Variants in LSAMP observed in about 807,000 individuals in gnomAD.
LSAMP encodes limbic system-associated membrane protein.
In LSAMP, 7 loss-of-function variants were observed where a neutral mutation model predicts 38.6. The ratio of observed to expected loss-of-function variants is 0.18; its 90% CI spans 0.10 to 0.34. The LOEUF (loss-of-function observed/expected upper bound fraction) is 0.34, where lower values mean the gene tolerates loss of function less well. LSAMP is among the 10% of genes least tolerant of loss of function. LSAMP has a pLI of 1.00. For synonymous variants in LSAMP, 154 were observed against 166.8 expected (o/e 0.92, Z 0.59); for missense variants, 313 against 420.0 (o/e 0.75, Z 2.23).
chr3:116,314,689 G>A (rs533578516), intron 1 of LSAMP, among the ~76,000 whole-genome samples: 115 of 152,272 alleles, frequency 7.6e-4, no homozygotes, highest in African/African-American at 2.5e-3. Flanking sequence ...CCCTGCCTGC[G>A]TCTGGAAGCC....
intron 1 of LSAMP, among the ~76,000 whole-genome samples, chr3:116,344,565 C>A (rs1163738268): frequency 2.0e-5 from 3 of 152,114 alleles, no homozygotes; most frequent in Non-Finnish European, 4.4e-5. Flanking sequence ...CTCTTCCACT[C>A]TACCTCCTTT....
At chr3:115,918,233 A>G (rs1559880509) in intron 3 of LSAMP, among the ~76,000 whole-genome samples, 1 of 152,230 alleles carries the variant, frequency 6.6e-6, no homozygotes, top group Non-Finnish European at 1.5e-5. Context: ...CATATCTAGG[A>G]TAAGACCACA....
intron 3 of LSAMP, among the ~76,000 whole-genome samples, chr3:115,872,367 TGC>T (rs1424319781): frequency 1.1e-4 from 16 of 152,280 alleles, no homozygotes; most frequent in South Asian, 2.1e-4. Context: ...CAGGTTTGGC[TGC>T]CCCATGTGCC....
chr3:116,371,136 C>T (rs1360157427), intron 1 of LSAMP, among the ~76,000 whole-genome samples: 3 of 152,110 alleles, frequency 2.0e-5, no homozygotes, highest in African/African-American at 4.8e-5. Context: ...ATTTAAAGAA[C>T]ACTAATCCTT....
At chr3:116,420,630 G>A (rs536472802) in intron 1 of LSAMP, among the ~76,000 whole-genome samples, 111 of 152,042 alleles carry the variant, frequency 7.3e-4, no homozygotes, top group African/African-American at 2.6e-3. Flanking sequence ...ACTTTGGGAG[G>A]GAGGCCAAGG....
At chr3:115,948,360 A>G (rs1417932372) in intron 3 of LSAMP, among the ~76,000 whole-genome samples, 1 of 152,186 alleles carries the variant, frequency 6.6e-6, no homozygotes, top group Non-Finnish European at 1.5e-5. Context: ...ACATTCTCCA[A>G]AATAGACCAT....
At chr3:116,057,965 A>ACC (rs1941521170) in intron 2 of LSAMP, among the ~76,000 whole-genome samples, 2 of 90,942 alleles carry the variant, frequency 2.2e-5, no homozygotes, top group African/African-American at 6.9e-5. Context: ...ACCCACACAC[A>ACC]CACACACACA....
At chr3:116,076,866 TATTTA>T (rs918220180) in intron 2 of LSAMP, among the ~76,000 whole-genome samples, 1 of 152,106 alleles carries the variant, frequency 6.6e-6, no homozygotes, top group African/African-American at 2.4e-5. Flanking sequence ...CTCCATTGTT[TATTTA>T]ATTTATTCTT....
intron 1 of LSAMP, among the ~76,000 whole-genome samples, chr3:116,218,396 G>C (rs1035044320): frequency 2.0e-5 from 3 of 152,028 alleles, no homozygotes; most frequent in Non-Finnish European, 2.9e-5. Flanking sequence ...TTTTTTTCCT[G>C]GTTATTTGTC....
chr3:116,029,198 C>T (rs1940862596), intron 2 of LSAMP, among the ~76,000 whole-genome samples: 1 of 152,090 alleles, frequency 6.6e-6, no homozygotes, highest in African/African-American at 2.4e-5. Context: ...AGCCTTAGAC[C>T]TTGTAGTAGA....
intron 2 of LSAMP, among the ~76,000 whole-genome samples, chr3:116,060,328 G>A (rs1255450990): frequency 6.6e-6 from 1 of 151,892 alleles, no homozygotes; most frequent in Non-Finnish European, 1.5e-5. Context: ...CCTTAAAGAG[G>A]TAAACCAACT....
intron 3 of LSAMP, among the ~76,000 whole-genome samples, chr3:116,002,967 T>C (rs1940045243): frequency 6.6e-6 from 1 of 152,202 alleles, no homozygotes; most frequent in African/African-American, 2.4e-5. Flanking sequence ...GAAGGAAAGA[T>C]GCAAACATGT....
intron 3 of LSAMP, among the ~76,000 whole-genome samples, chr3:115,913,040 A>C (rs942350638): frequency 1.3e-5 from 2 of 152,230 alleles, no homozygotes; most frequent in African/African-American, 4.8e-5. Flanking sequence ...TCTCCTCAAA[A>C]GTGGATTTCC....
chr3:116,302,493 A>AAAAC (rs1393637099), intron 1 of LSAMP, among the ~76,000 whole-genome samples: 1 of 152,232 alleles, frequency 6.6e-6, no homozygotes, highest in African/African-American at 2.4e-5. Flanking sequence ...CTAACTTTCT[A>AAAAC]AAACAGGAAG....
intron 1 of LSAMP, among the ~76,000 whole-genome samples, chr3:116,366,622 A>C (rs975879510): frequency 6.6e-6 from 1 of 152,308 alleles, no homozygotes; most frequent in African/African-American, 2.4e-5. Flanking sequence ...GTGGTCCCCA[A>C]GAAGGTATGG....
chr3:115,921,018 C>A (rs1937370257), intron 3 of LSAMP, among the ~76,000 whole-genome samples: 1 of 152,052 alleles, frequency 6.6e-6, no homozygotes, highest in African/African-American at 2.4e-5. Flanking sequence ...TATGGCCACT[C>A]CTGCTCTCTT....
chr3:116,265,401 C>A (rs1055562542), intron 1 of LSAMP, among the ~76,000 whole-genome samples: 1 of 152,156 alleles, frequency 6.6e-6, no homozygotes, highest in Non-Finnish European at 1.5e-5. Flanking sequence ...TTACATCTAT[C>A]TTTTTGACAA....
chr3:116,257,775 C>A (rs1434177756), intron 1 of LSAMP, among the ~76,000 whole-genome samples: 1 of 152,156 alleles, frequency 6.6e-6, no homozygotes, highest in Non-Finnish European at 1.5e-5. Context: ...GCTGCTGATA[C>A]ATGGTGGGTG....
chr3:116,147,116 G>T (rs1278170178), intron 1 of LSAMP, among the ~76,000 whole-genome samples: 1 of 151,770 alleles, frequency 6.6e-6, no homozygotes, highest in Non-Finnish European at 1.5e-5. Flanking sequence ...AGCTGAAATT[G>T]CAGTCAACTC....
Sources: gnomAD v4.1 joint callset for allele counts (sites outside exome capture counted in the v4.1 genomes callset) on GRCh38, gnomAD v4.1.1 for gene constraint, MANE v1.5 for transcripts, NCBI Gene and HGNC (gene_info 2026-07-23, HGNC 2026-07-21) for gene names.